CA10: variants seen among roughly 807,000 people sequenced by gnomAD.
The protein encoded by CA10 is carbonic anhydrase 10 (inactive), also known as carbonic anhydrase-related protein 10.
Under a neutral mutation model 44.2 loss-of-function variants are expected in CA10, and 14 were observed. That is an observed-to-expected ratio of 0.32 (90% CI 0.21 to 0.50). The LOEUF (loss-of-function observed/expected upper bound fraction) is 0.50, where lower values mean the gene tolerates loss of function less well. CA10 is among the 20% of genes least tolerant of loss of function. CA10 has a pLI of 0.99. For missense variants in CA10, 350 were observed against 409.7 expected (o/e 0.85, Z 1.26); for synonymous variants, 159 against 141.6 (o/e 1.12, Z -0.87).
chr17:51,767,587 T>C (rs568173965), intron 3 of CA10, among the ~76,000 whole-genome samples: 9 of 152,282 alleles, frequency 5.9e-5, no homozygotes, highest in Non-Finnish European at 1.2e-4. Context: ...TCTAGGGATC[T>C]AGGGGTGGGG....
intron 5 of CA10, among the ~76,000 whole-genome samples, chr17:51,652,128 G>T (rs1913595163): frequency 6.6e-6 from 1 of 152,188 alleles, no homozygotes; most frequent in Admixed American, 6.5e-5. Context: ...ATTCTTTCAT[G>T]AGTATTAAAG....
chr17:51,911,317 G>A (rs1322883080), intron 3 of CA10, among the ~76,000 whole-genome samples: 1 of 152,066 alleles, frequency 6.6e-6, no homozygotes, highest in Admixed American at 6.6e-5. Flanking sequence ...GCGTTATTGC[G>A]GCAATAACTT....
chr17:51,643,547 T>G (rs1298837903), intron 6 of CA10, among the ~76,000 whole-genome samples: 1 of 152,188 alleles, frequency 6.6e-6, no homozygotes, highest in East Asian at 1.9e-4. Context: ...GAGTGTTTTA[T>G]AAGTTTCACT....
intron 8 of CA10, 151 bp downstream of exon 8, chr17:51,633,325 T>A: frequency 1.3e-6 from 1 of 779,306 alleles, no homozygotes; most frequent in Non-Finnish European, 2.0e-6. Context: ...ACTTTAGACC[T>A]TCATCACCAT....
intron 3 of CA10, among the ~76,000 whole-genome samples, chr17:51,752,112 T>C (rs1365208247): frequency 6.6e-6 from 1 of 152,050 alleles, no homozygotes; most frequent in Non-Finnish European, 1.5e-5. Flanking sequence ...TTCCCATAGA[T>C]ACCGAAATAA....
chr17:52,032,078 T>C (rs1359167969), intron 2 of CA10, among the ~76,000 whole-genome samples: 1 of 152,190 alleles, frequency 6.6e-6, no homozygotes, highest in Non-Finnish European at 1.5e-5. Flanking sequence ...AAGGAGGTCA[T>C]ATCAATGCAC....
intron 3 of CA10, among the ~76,000 whole-genome samples, chr17:51,842,633 A>G (rs1418844280): frequency 6.6e-6 from 1 of 152,192 alleles, no homozygotes; most frequent in African/African-American, 2.4e-5. Flanking sequence ...CATCGTTGGC[A>G]TGAAACTCTC....
chr17:51,998,992 G>A (rs1485799326), intron 2 of CA10, among the ~76,000 whole-genome samples: 2 of 152,036 alleles, frequency 1.3e-5, no homozygotes, highest in Non-Finnish European at 2.9e-5. Context: ...AATTAATGGA[G>A]TGAATAATCT....
intron 3 of CA10, among the ~76,000 whole-genome samples, chr17:51,906,285 C>T (rs1981548440): frequency 6.6e-6 from 1 of 152,026 alleles, no homozygotes; most frequent in Non-Finnish European, 1.5e-5. Flanking sequence ...GGTTTTTCCC[C>T]CCGGTATTCC....
rs116805307 is a variant in CA10 at position 52,043,463 on chromosome 17, G to C, written c.136+28856C>G. On this transcript the variant is annotated intron_variant, in intron 2 of 8. Coordinates refer to ENST00000451037, the MANE Select transcript of CA10 (RefSeq NM_020178.5). Reference sequence around the variant, plus strand: ...ATTTATTAGTTCTAACAGTTTCTTGGTGGAGTTTTAGCATTTCTATAAATA... The same window carrying C: ...ATTTATTAGTTCTAACAGTTTCTTGCTGGAGTTTTAGCATTTCTATAAATA... Among the ~76,000 whole-genome samples, 245 of 151,920 alleles carry C rather than the reference G, an allele frequency of 1.6e-3. 2 individuals are homozygous for C. The highest frequency in any genetic ancestry group is 5.7e-3 in the African/African-American group (236 of 41,474).
At chr17:51,708,846 T>C (rs1419088044) in intron 4 of CA10, among the ~76,000 whole-genome samples, 1 of 152,256 alleles carries the variant, frequency 6.6e-6, no homozygotes, top group Non-Finnish European at 1.5e-5. Context: ...GCTTTTGGAC[T>C]CTTGGACCTA....
chr17:51,849,966 A>G (rs1567860818), intron 3 of CA10, among the ~76,000 whole-genome samples: 1 of 152,230 alleles, frequency 6.6e-6, no homozygotes, highest in Admixed American at 6.5e-5. Flanking sequence ...GAAAGATGCC[A>G]AACTGGGGTC....
At chr17:51,873,297 C>G (rs1325531245) in intron 3 of CA10, among the ~76,000 whole-genome samples, 2 of 152,182 alleles carry the variant, frequency 1.3e-5, no homozygotes, top group Non-Finnish European at 2.9e-5. Context: ...AATGCTGGCA[C>G]TGCTACTTTT....
At chr17:51,677,658 G>C (rs1194001230) in intron 4 of CA10, among the ~76,000 whole-genome samples, 1 of 152,092 alleles carries the variant, frequency 6.6e-6, no homozygotes, top group Non-Finnish European at 1.5e-5. Flanking sequence ...AGGGAGACAG[G>C]GTGGAGTAGA....
chr17:51,793,124 T>C (rs910891447), intron 3 of CA10, among the ~76,000 whole-genome samples: 4 of 152,190 alleles, frequency 2.6e-5, no homozygotes, highest in Admixed American at 6.5e-5. Context: ...CTATGGCCAA[T>C]GCAGAGGACC....
At chr17:51,971,661 T>C (rs1439309950) in intron 2 of CA10, among the ~76,000 whole-genome samples, 3 of 152,066 alleles carry the variant, frequency 2.0e-5, no homozygotes, top group Non-Finnish European at 4.4e-5. Context: ...TTTAACAAGA[T>C]ATTGGAAATG....
rs116864507 is a variant in CA10 at position 51,688,912 on chromosome 17, G to A, written c.466-35176C>T. On this transcript the variant is annotated intron_variant, in intron 4 of 8. Coordinates refer to ENST00000451037, the MANE Select transcript of CA10 (RefSeq NM_020178.5). The stretch of plus-strand genomic sequence containing the variant: ...TTATTTGGCTGTTATTACAGGCCAG[G>A]TGTTGTCCTAACACTTGTATATATT... 5.3e-4 allele frequency among the ~76,000 whole-genome samples: 80 copies of A among 152,274 alleles called. 1 individual carries two copies. The East Asian group carries it at 0.013, about 25-fold the overall frequency.
chr17:51,979,820 C>A (rs1013137760), intron 2 of CA10, among the ~76,000 whole-genome samples: 11 of 152,114 alleles, frequency 7.2e-5, no homozygotes, highest in African/African-American at 2.7e-4. Context: ...AGATGAGTAC[C>A]CAGCGCCATC....
intron 1 of CA10, among the ~76,000 whole-genome samples, chr17:52,127,571 T>C (rs1989146501): frequency 6.6e-6 from 1 of 152,172 alleles, no homozygotes; most frequent in South Asian, 2.1e-4. Flanking sequence ...TCCACTCCAG[T>C]TAAGCATCTC....
Sources: gnomAD v4.1 joint callset for allele counts (sites outside exome capture counted in the v4.1 genomes callset) on GRCh38, gnomAD v4.1.1 for gene constraint, MANE v1.5 for transcripts, NCBI Gene and HGNC (gene_info 2026-07-23, HGNC 2026-07-21) for gene names.